The following NMU variants were observed in gnomAD, a reference collection of about 807,000 sequenced individuals.
The protein encoded by NMU is neuromedin U.
NMU carries 29 observed loss-of-function variants against 35.4 expected under a neutral mutation model. That is an observed-to-expected ratio of 0.82 (90% CI 0.61 to 1.12). NMU has a LOEUF of 1.12. Ranked by LOEUF, NMU falls within the 50% of genes most tolerant of loss-of-function variation. NMU has a pLI of 0.00. For synonymous variants in NMU, 78 were observed against 81.3 expected, an observed-to-expected ratio of 0.96 and a Z score of 0.22; for missense variants, 199 against 206.2, an observed-to-expected ratio of 0.97 and a Z score of 0.21.
intron 6 of NMU, among the ~76,000 whole-genome samples, chr4:55,607,047 A>G (rs1033812910): frequency 1.3e-5 from 2 of 152,194 alleles, no homozygotes; most frequent in Non-Finnish European, 2.9e-5. Flanking sequence ...TGCCTGGCAC[A>G]TAGCATATAG....
intron 3 of NMU, among the ~76,000 whole-genome samples, chr4:55,613,240 C>T (rs1009822555): frequency 1.3e-5 from 2 of 152,052 alleles, no homozygotes; most frequent in African/African-American, 4.8e-5. Context: ...AATCTATACA[C>T]CAAACCTCCA....
At chr4:55,596,518 TATA>T (rs1321434960) in intron 9 of NMU, among the ~76,000 whole-genome samples, 9 of 152,030 alleles carry the variant, frequency 5.9e-5, no homozygotes, top group African/African-American at 2.2e-4. Flanking sequence ...AATGTACATT[TATA>T]ATATTATAAA....
intron 7 of NMU, among the ~76,000 whole-genome samples, chr4:55,604,314 C>T (rs558549604): frequency 6.6e-6 from 1 of 151,922 alleles, no homozygotes; most frequent in East Asian, 1.9e-4. Context: ...GATCCACCCA[C>T]CTCAGCCTCC....
At chr4:55,613,824 G>GT (rs1200533433) in intron 3 of NMU, among the ~76,000 whole-genome samples, 2 of 152,172 alleles carry the variant, frequency 1.3e-5, no homozygotes, top group African/African-American at 4.8e-5. Context: ...CTGCTGGACT[G>GT]TAAGTAACAC....
intron 9 of NMU, among the ~76,000 whole-genome samples, chr4:55,596,334 A>G (rs1416600516): frequency 6.6e-6 from 1 of 150,850 alleles, no homozygotes; most frequent in Non-Finnish European, 1.5e-5. Flanking sequence ...AAATAATCTG[A>G]ATAAAGCAAT....
intron 1 of NMU, among the ~76,000 whole-genome samples, chr4:55,634,938 C>T (rs775494931): frequency 6.6e-6 from 1 of 152,066 alleles, no homozygotes; most frequent in Non-Finnish European, 1.5e-5. Flanking sequence ...AAAATCAAAA[C>T]AATGAGAGGA....
chr4:55,626,631 C>T (rs1412854239), intron 2 of NMU, among the ~76,000 whole-genome samples: 1 of 152,192 alleles, frequency 6.6e-6, no homozygotes, highest in East Asian at 1.9e-4. Flanking sequence ...CACTTGAACC[C>T]GAGGAGGGGG....
At chr4:55,630,140 G>A (rs1358518383) in intron 2 of NMU, among the ~76,000 whole-genome samples, 2 of 151,816 alleles carry the variant, frequency 1.3e-5, no homozygotes, top group African/African-American at 2.4e-5. Context: ...TGTCTTTTAA[G>A]TACATACACA....
chr4:55,617,213 G>A (rs1297508023), intron 2 of NMU, among the ~76,000 whole-genome samples: 1 of 152,078 alleles, frequency 6.6e-6, no homozygotes, highest in Non-Finnish European at 1.5e-5. Context: ...TCTCATACCA[G>A]GGGGCGGATT....
At chr4:55,619,104 A>G (rs1164059629) in intron 2 of NMU, among the ~76,000 whole-genome samples, 1 of 152,086 alleles carries the variant, frequency 6.6e-6, no homozygotes, top group East Asian at 1.9e-4. Flanking sequence ...TCTGAGCTCA[A>G]GTGATCCTCC....
intron 1 of NMU, among the ~76,000 whole-genome samples, chr4:55,633,887 T>A (rs1267258059): frequency 2.6e-5 from 4 of 152,216 alleles, no homozygotes; most frequent in African/African-American, 9.7e-5. Flanking sequence ...CAAGTAACAG[T>A]TTGTTGCAGA....
intron 2 of NMU, among the ~76,000 whole-genome samples, chr4:55,626,471 A>C (rs1205223586): frequency 1.3e-5 from 2 of 152,210 alleles, no homozygotes; most frequent in Non-Finnish European, 2.9e-5. Context: ...TTGGGAAGCC[A>C]AGGTGGGCGG....
Position 55,636,217 on chromosome 4 carries a change from G to A in NMU, c.-25C>T. On this transcript the variant is annotated 5_prime_UTR_variant, in exon 1 of 10. Transcript: ENST00000264218. This position sits in a 1 kb window ranked among gnomAD's most constrained non-coding sequence, Gnocchi z 4.0. ...TCTCGGCGGCTGCGGGAGGCTCGGT[G>A]CTAGGGACGCTGCGCTGCGCCACGC... The A allele has an allele frequency of 6.9e-7, 1 of 1,449,972 alleles. No homozygotes were observed. The allele number at this position is 1,449,972 out of a possible 1,614,324, so 89.8% of individuals were successfully genotyped here.
At chr4:55,612,317 T>C (rs1400640008) in intron 3 of NMU, among the ~76,000 whole-genome samples, 3 of 152,304 alleles carry the variant, frequency 2.0e-5, no homozygotes, top group Non-Finnish European at 2.9e-5. Context: ...GGAGGATTGC[T>C]TGAGCCCAGG....
At chr4:55,631,988 A>T (rs539994653) in intron 1 of NMU, among the ~76,000 whole-genome samples, 1 of 152,364 alleles carries the variant, frequency 6.6e-6, no homozygotes, top group African/African-American at 2.4e-5. Flanking sequence ...CTCAGCCATA[A>T]AAAGAAACAA....
intron 7 of NMU, among the ~76,000 whole-genome samples, chr4:55,602,252 T>C: frequency 6.6e-6 from 1 of 152,166 alleles, no homozygotes; most frequent in Middle Eastern, 3.2e-3. Context: ...AAAAGTGTTT[T>C]AAAATCTAAA....
At chr4:55,603,911 CAAA>C (rs746222578) in intron 7 of NMU, among the ~76,000 whole-genome samples, 24,117 of 50,004 alleles carry the variant, frequency 0.48, 4,681 homozygotes, top group Middle Eastern at 0.58. Context: ...GAGTCCGTCT[CAAA>C]AAAAAAAAAA....
intron 9 of NMU, 134 bp from the exon 10 acceptor site, chr4:55,595,545 T>TAA (rs1733133810): frequency 1.4e-5 from 1 of 70,994 alleles, no homozygotes; most frequent in Non-Finnish European, 3.1e-5. Flanking sequence ...CCCAGCTGTA[T>TAA]ATATATATAT....
At chr4:55,600,689 G>A in intron 7 of NMU, 114 bp from the exon 8 acceptor site, 2 of 766,700 alleles carry the variant, frequency 2.6e-6, no homozygotes, top group East Asian at 5.1e-5. Context: ...ACTAAACATA[G>A]AGGGAATCAG....
Sources: gnomAD v4.1 joint callset for allele counts (sites outside exome capture counted in the v4.1 genomes callset) on GRCh38, gnomAD v4.1.1 for gene constraint, Gnocchi (gnomAD v3.1) non-coding constraint, MANE v1.5 for transcripts, NCBI Gene and HGNC (gene_info 2026-07-23, HGNC 2026-07-21) for gene names.